Variants in OTOGL observed in about 807,000 individuals in gnomAD.
OTOGL encodes the protein otogelin-like protein.
OTOGL carries 285 observed loss-of-function variants against 318.5 expected under a neutral mutation model. The ratio of observed to expected loss-of-function variants is 0.89; its 90% CI spans 0.81 to 0.99. The LOEUF is 0.99. Among genes scored for constraint, OTOGL ranks in the 50% least tolerant of loss-of-function variants. OTOGL has a pLI of 0.00. For missense variants in OTOGL, 2,899 were observed against 2,845.6 expected (o/e 1.02, Z -0.43); for synonymous variants, 987 against 936.5 (o/e 1.05, Z -0.99).
At chr12:80,123,737 G>A (rs996401902) in intron 1 of OTOGL, among the ~76,000 whole-genome samples, 5 of 151,946 alleles carry the variant, frequency 3.3e-5, no homozygotes, top group Non-Finnish European at 7.4e-5. Context: ...ATTCTAACTG[G>A]TGTGAGATGG....
intron 1 of OTOGL, among the ~76,000 whole-genome samples, chr12:80,208,966 A>G (rs1461320629): frequency 6.6e-6 from 1 of 152,172 alleles, no homozygotes; most frequent in South Asian, 2.1e-4. Flanking sequence ...GGAAAGATTG[A>G]CAGGGTTTTA....
At chr12:80,261,918 G>T in intron 18 of OTOGL, 51 bp from the exon 19 acceptor site, 1 of 1,577,100 alleles carries the variant, frequency 6.3e-7, no homozygotes, top group South Asian at 1.2e-5. Flanking sequence ...TGAAGGTTAT[G>T]AACAAATGAA....
At chr12:80,249,636 A>C (rs11503510) in intron 11 of OTOGL, among the ~76,000 whole-genome samples, 16,647 of 151,176 alleles carry the variant, frequency 0.11, 1,113 homozygotes, top group African/African-American at 0.18. Flanking sequence ...GTGCCCTGCC[A>C]CCATAGGTGG....
intron 1 of OTOGL, among the ~76,000 whole-genome samples, chr12:80,197,888 A>G (rs1876188720): frequency 6.6e-6 from 1 of 152,196 alleles, no homozygotes; most frequent in Non-Finnish European, 1.5e-5. Context: ...CTAGTCCCTC[A>G]ATCTTTCCTC....
At chr12:80,240,014 T>C (rs1880237384) in intron 11 of OTOGL, among the ~76,000 whole-genome samples, 1 of 152,150 alleles carries the variant, frequency 6.6e-6, no homozygotes, top group Non-Finnish European at 1.5e-5. Context: ...TCACTTAACA[T>C]AGTGACCTCC....
intron 29 of OTOGL, among the ~76,000 whole-genome samples, chr12:80,307,466 G>C (rs1157264980): frequency 6.7e-6 from 1 of 149,606 alleles, no homozygotes; most frequent in Non-Finnish European, 1.5e-5. Context: ...TCCTGGACGG[G>C]GTGGCTGGCC....
intron 1 of OTOGL, among the ~76,000 whole-genome samples, chr12:80,131,538 G>A (rs1230959000): frequency 6.6e-6 from 1 of 152,152 alleles, no homozygotes; most frequent in African/African-American, 2.4e-5. Context: ...TATGTCCTAT[G>A]AGAATCACCT....
intron 28 of OTOGL, 37 bp downstream of exon 28, chr12:80,302,820 T>A: frequency 7.2e-7 from 1 of 1,395,530 alleles, no homozygotes; most frequent in East Asian, 2.5e-5. Context: ...ATGTAATGAA[T>A]AAAATCACAT....
chr12:80,265,080 C>T lies in OTOGL; in HGVS notation c.2094C>T (p.Tyr698=). 6.2e-7 allele frequency: 1 copy of T among 1,613,890 alleles called. No homozygotes were observed. The highest frequency in any genetic ancestry group is 8.5e-7 in the Non-Finnish European group (1 of 1,179,854). ...PCHIYISPGL[Y]YQLCRHDACK... ...ACATCTATATTAGCCCTGGGCTGTA[C>T]TATCAGCTATGCCGCCACGATGCAT... Residue 698 remains tyrosine (Y), a synonymous_variant, in exon 20 of 59, where the codon TAC becomes TAT. Transcript: ENST00000547103.
intron 34 of OTOGL, among the ~76,000 whole-genome samples, chr12:80,323,287 C>T (rs989752065): frequency 1.2e-4 from 18 of 152,096 alleles, no homozygotes; most frequent in Non-Finnish European, 4.4e-5. Flanking sequence ...GTTTTTTCTT[C>T]AGTTCTGTCT....
At chr12:80,372,874 A>G (rs895763925) in intron 57 of OTOGL, among the ~76,000 whole-genome samples, 1 of 151,932 alleles carries the variant, frequency 6.6e-6, no homozygotes, top group African/African-American at 2.4e-5. Context: ...TTTTTAGTAG[A>G]GATGGGGTTT....
intron 6 of OTOGL, among the ~76,000 whole-genome samples, chr12:80,221,325 C>T (rs901978463): frequency 2.7e-5 from 4 of 145,796 alleles, no homozygotes; most frequent in African/African-American, 5.1e-5. Flanking sequence ...AGTACAGTGG[C>T]GCAATCTTGG....
At chr12:80,360,291 C>T (rs1890155687) in intron 52 of OTOGL, among the ~76,000 whole-genome samples, 1 of 151,670 alleles carries the variant, frequency 6.6e-6, no homozygotes, top group South Asian at 2.1e-4. Flanking sequence ...CTGACCTAGC[C>T]CTTTTCTACT....
intron 1 of OTOGL, among the ~76,000 whole-genome samples, chr12:80,158,942 C>T (rs919564579): frequency 1.3e-5 from 2 of 152,012 alleles, no homozygotes; most frequent in Non-Finnish European, 2.9e-5. Context: ...AAACTTTTCC[C>T]TGTTCAGTAT....
At chr12:80,370,779 G>A in intron 56 of OTOGL, 90 bp downstream of exon 56, 1 of 964,466 alleles carries the variant, frequency 1.0e-6, no homozygotes, top group South Asian at 2.4e-5. Context: ...TTTCATTGTG[G>A]CTTATACATA....
intron 1 of OTOGL, among the ~76,000 whole-genome samples, chr12:80,157,429 G>A (rs901556244): frequency 1.3e-5 from 2 of 152,044 alleles, no homozygotes; most frequent in East Asian, 1.9e-4. Flanking sequence ...TTTTTAACTC[G>A]AGATGATCCC....
At position 80,123,864 on chromosome 12, in the gene OTOGL, C is replaced by T. The variant is rs550645006; in HGVS notation, c.-20+24259C>T. ...TTGAGAAGTATCTGTTCATATCCTT[C>T]GCCCACTTTTTGATGGGGTTGTTTG... On this transcript the variant is annotated intron_variant, in intron 1 of 58. Transcript: ENST00000547103. Among the ~76,000 whole-genome samples, 42 of 151,986 alleles carry T rather than the reference C, an allele frequency of 2.8e-4. No individual in the cohort carries two copies. In the East Asian group the frequency reaches 7.5e-3, roughly 27 times the overall value.
chr12:80,102,132 C>A (rs1459536920), intron 1 of OTOGL, among the ~76,000 whole-genome samples: 7 of 152,192 alleles, frequency 4.6e-5, no homozygotes, highest in African/African-American at 1.2e-4. Context: ...GGTTGAGGGA[C>A]TGTGCACTTA....
chr12:80,179,717 G>A (rs1268848206), intron 1 of OTOGL, among the ~76,000 whole-genome samples: 1 of 152,214 alleles, frequency 6.6e-6, no homozygotes, highest in Non-Finnish European at 1.5e-5. Context: ...GTGCTTAGAT[G>A]ACTGCATGAA....
Sources: gnomAD v4.1 joint callset for allele counts (sites outside exome capture counted in the v4.1 genomes callset) on GRCh38, gnomAD v4.1.1 for gene constraint, MANE v1.5 for transcripts, NCBI Gene and HGNC (gene_info 2026-07-23, HGNC 2026-07-21) for gene names.